RARB: variants seen among roughly 807,000 people sequenced by gnomAD.
The protein encoded by RARB is retinoic acid receptor beta, also known as HBV-activated protein.
In RARB, 17 loss-of-function variants were observed where a neutral mutation model predicts 51.9. The ratio of observed to expected loss-of-function variants is 0.33; its 90% CI spans 0.22 to 0.49. RARB has a LOEUF of 0.49. Among genes scored for constraint, RARB ranks in the 20% least tolerant of loss-of-function variants. The pLI is 0.99. For missense variants in RARB, 369 were observed against 550.8 expected (o/e 0.67, Z 3.30); for synonymous variants, 215 against 195.4 (o/e 1.10, Z -0.84).
chr3:25,298,064 GT>G (rs1703958622), intron 5 of RARB, among the ~76,000 whole-genome samples: 1 of 152,034 alleles, frequency 6.6e-6, no homozygotes, highest in Non-Finnish European at 1.5e-5. Flanking sequence ...CTAAGCATGT[GT>G]TCTTTCTTCA....
intron 2 of RARB, among the ~76,000 whole-genome samples, chr3:24,873,218 G>A (rs900018828): frequency 6.6e-6 from 1 of 152,120 alleles, no homozygotes; most frequent in Non-Finnish European, 1.5e-5. Context: ...TATCTCTTAT[G>A]TCAATGAATA....
At chr3:25,412,613 A>G (rs1459636446) in intron 5 of RARB, among the ~76,000 whole-genome samples, 1 of 152,244 alleles carries the variant, frequency 6.6e-6, no homozygotes, top group Non-Finnish European at 1.5e-5. Flanking sequence ...TTAACTAAAG[A>G]CTTTTATTGA....
intron 2 of RARB, among the ~76,000 whole-genome samples, chr3:24,948,001 C>T (rs1695811402): frequency 6.6e-6 from 1 of 151,754 alleles, no homozygotes; most frequent in African/African-American, 2.4e-5. Flanking sequence ...TATGAGCTCT[C>T]TTTGCTCCAT....
At chr3:25,467,800 A>G (rs1361672415) in intron 2 of RARB, among the ~76,000 whole-genome samples, 1 of 152,190 alleles carries the variant, frequency 6.6e-6, no homozygotes, top group Non-Finnish European at 1.5e-5. Flanking sequence ...TTCATCCTTA[A>G]GCATATGTTT....
chr3:25,569,673 C>T, intron 3 of RARB, 85 bp from the exon 4 acceptor site: 1 of 1,433,438 alleles, frequency 7.0e-7, no homozygotes, highest in Non-Finnish European at 9.4e-7. Context: ...GAGCTTAAGG[C>T]AGCCTTGGGA....
intron 5 of RARB, among the ~76,000 whole-genome samples, chr3:25,202,226 G>A (rs918369629): frequency 4.6e-5 from 7 of 152,106 alleles, no homozygotes; most frequent in Admixed American, 4.6e-4. Flanking sequence ...TTGCGTAGAG[G>A]TGTTTATAGT....
intron 3 of RARB, among the ~76,000 whole-genome samples, chr3:25,082,951 G>C (rs1012824231): frequency 6.6e-6 from 1 of 151,926 alleles, no homozygotes; most frequent in Non-Finnish European, 1.5e-5. Context: ...GCTCCAGCTT[G>C]GAAGCTGGTT....
At chr3:25,494,253 G>GCACACACACACACACA (rs57081618) in intron 2 of RARB, among the ~76,000 whole-genome samples, 3,168 of 131,882 alleles carry the variant, frequency 0.024, 56 homozygotes, top group East Asian at 0.044. Context: ...TGTATCTTAC[G>GCACACACACACACACA]CACACACACA....
chr3:25,476,241 T>C (rs867070032), intron 2 of RARB, among the ~76,000 whole-genome samples: 11 of 152,162 alleles, frequency 7.2e-5, no homozygotes, highest in African/African-American at 2.4e-4. Context: ...CAGTTGCCAA[T>C]GTTTACTCCT....
intron 4 of RARB, among the ~76,000 whole-genome samples, chr3:25,141,627 A>G (rs1285768044): frequency 6.6e-6 from 1 of 152,106 alleles, no homozygotes; most frequent in Non-Finnish European, 1.5e-5. Flanking sequence ...CCTTGCCACC[A>G]TTTTCCAATC....
chr3:25,405,096 C>T (rs1707371306), intron 5 of RARB, among the ~76,000 whole-genome samples: 1 of 152,120 alleles, frequency 6.6e-6, no homozygotes, highest in Non-Finnish European at 1.5e-5. Flanking sequence ...GAGATGCGAT[C>T]CCTGAGAGGC....
At chr3:25,333,522 T>C (rs1407036730) in intron 5 of RARB, among the ~76,000 whole-genome samples, 2 of 152,042 alleles carry the variant, frequency 1.3e-5, no homozygotes, top group African/African-American at 2.4e-5. Flanking sequence ...ATACAAAAAT[T>C]AATTCAAGAT....
chr3:25,173,643 T>G (rs898994138), intron 4 of RARB, among the ~76,000 whole-genome samples: 1 of 152,148 alleles, frequency 6.6e-6, no homozygotes, highest in Non-Finnish European at 1.5e-5. Flanking sequence ...TTAAATAGTT[T>G]CCCTAAAAAA....
intron 5 of RARB, among the ~76,000 whole-genome samples, chr3:25,231,913 T>A (rs937026844): frequency 1.3e-5 from 2 of 152,134 alleles, no homozygotes; most frequent in Non-Finnish European, 2.9e-5. Flanking sequence ...CTAATTTTGA[T>A]GAAACTCAAT....
At chr3:24,987,800 C>T (rs1575107342) in intron 2 of RARB, among the ~76,000 whole-genome samples, 1 of 152,186 alleles carries the variant, frequency 6.6e-6, no homozygotes, top group South Asian at 2.1e-4. Flanking sequence ...TTTGAATGAA[C>T]CCTCCTGTCC....
intron 5 of RARB, among the ~76,000 whole-genome samples, chr3:25,400,589 G>C (rs1707238176): frequency 6.6e-6 from 1 of 152,156 alleles, no homozygotes; most frequent in Non-Finnish European, 1.5e-5. Flanking sequence ...AAGAGAATAA[G>C]AATGGAACAG....
At chr3:24,966,614 C>G (rs948119553) in intron 2 of RARB, among the ~76,000 whole-genome samples, 8 of 141,770 alleles carry the variant, frequency 5.6e-5, no homozygotes, top group Admixed American at 2.1e-4. Context: ...TCATCTCTCT[C>G]TCTCTCTCTC....
intron 5 of RARB, among the ~76,000 whole-genome samples, chr3:25,408,103 T>C (rs1317505730): frequency 2.6e-5 from 4 of 152,188 alleles, no homozygotes; most frequent in Non-Finnish European, 5.9e-5. Flanking sequence ...TGTCTGTTTC[T>C]GGGGGACCAA....
chr3:25,337,211 C>A (rs1001677065), intron 5 of RARB, among the ~76,000 whole-genome samples: 1 of 152,076 alleles, frequency 6.6e-6, no homozygotes, highest in African/African-American at 2.4e-5. Context: ...TTCTTACCAA[C>A]CCCCACCCCC....
Sources: gnomAD v4.1 joint callset for allele counts (sites outside exome capture counted in the v4.1 genomes callset) on GRCh38, gnomAD v4.1.1 for gene constraint, MANE v1.5 for transcripts, NCBI Gene and HGNC (gene_info 2026-07-23, HGNC 2026-07-21) for gene names.